SPAG16: variants seen among roughly 807,000 people sequenced by gnomAD.
SPAG16 encodes the protein sperm associated antigen 16.
Under a neutral mutation model 80.4 loss-of-function variants are expected in SPAG16, and 86 were observed. The ratio of observed to expected loss-of-function variants is 1.07; its 90% CI spans 0.90 to 1.28. SPAG16 has a LOEUF of 1.28. Among genes scored for constraint, SPAG16 ranks in the 50% most tolerant of loss-of-function variants. The pLI is 0.00. For missense variants in SPAG16, 870 were observed against 765.3 expected, an observed-to-expected ratio of 1.14 and a Z score of -1.61; for synonymous variants, 294 against 265.9, an observed-to-expected ratio of 1.11 and a Z score of -1.03.
intron 10 of SPAG16, among the ~76,000 whole-genome samples, chr2:213,861,935 G>A (rs1271624687): frequency 6.6e-6 from 1 of 152,166 alleles, no homozygotes; most frequent in Non-Finnish European, 1.5e-5. Context: ...AAGTGGTAAT[G>A]TAGGATAGAA....
At chr2:213,777,562 C>G (rs1349420366) in intron 10 of SPAG16, among the ~76,000 whole-genome samples, 1 of 152,090 alleles carries the variant, frequency 6.6e-6, no homozygotes, top group Non-Finnish European at 1.5e-5. Context: ...CCCGCCTCCA[C>G]GCCTGGCTAA....
intron 9 of SPAG16, among the ~76,000 whole-genome samples, chr2:213,447,827 A>G (rs10166400): frequency 0.44 from 66,533 of 152,156 alleles, 15,642 homozygotes; most frequent in African/African-American, 0.6. Context: ...CAGGAAAAGT[A>G]TAATGTTGGT....
At chr2:214,145,203 A>G (rs2055577440) in intron 14 of SPAG16, among the ~76,000 whole-genome samples, 1 of 151,916 alleles carries the variant, frequency 6.6e-6, no homozygotes, top group Non-Finnish European at 1.5e-5. Context: ...TACATTTGGA[A>G]CCTCTGTGCA....
intron 9 of SPAG16, among the ~76,000 whole-genome samples, chr2:213,444,409 A>T (rs2071171342): frequency 6.6e-6 from 1 of 152,180 alleles, no homozygotes; most frequent in Admixed American, 6.5e-5. Flanking sequence ...GAGGGAATTG[A>T]CCTATAAATA....
At chr2:213,899,653 A>G (rs1203219738) in intron 11 of SPAG16, among the ~76,000 whole-genome samples, 1 of 152,084 alleles carries the variant, frequency 6.6e-6, no homozygotes, top group Non-Finnish European at 1.5e-5. Flanking sequence ...ATGGAAAACA[A>G]CCACGTTTAT....
intron 10 of SPAG16, among the ~76,000 whole-genome samples, chr2:213,614,391 G>A (rs1168042659): frequency 2.0e-5 from 3 of 152,196 alleles, no homozygotes; most frequent in African/African-American, 7.2e-5. Flanking sequence ...GACAGTCACT[G>A]ATGGTAATCA....
intron 10 of SPAG16, among the ~76,000 whole-genome samples, chr2:213,708,159 C>T (rs1335786037): frequency 6.6e-6 from 1 of 152,028 alleles, no homozygotes; most frequent in African/African-American, 2.4e-5. Flanking sequence ...TAAAGATGAA[C>T]AAAATATTAC....
chr2:213,417,895 C>G (rs1380143337), intron 9 of SPAG16, among the ~76,000 whole-genome samples: 1 of 139,732 alleles, frequency 7.2e-6, no homozygotes, highest in African/African-American at 2.7e-5. Context: ...TTTTTTGAGA[C>G]AGTTTTGCTC....
intron 5 of SPAG16, among the ~76,000 whole-genome samples, chr2:213,320,386 A>G (rs757254628): frequency 3.9e-5 from 6 of 151,970 alleles, no homozygotes; most frequent in Non-Finnish European, 8.8e-5. Context: ...ATCACCTCAA[A>G]CATTTATGAT....
intron 10 of SPAG16, among the ~76,000 whole-genome samples, chr2:213,560,665 C>T (rs2059572256): frequency 1.3e-5 from 2 of 152,200 alleles, no homozygotes; most frequent in Non-Finnish European, 2.9e-5. Flanking sequence ...CTTAATATGT[C>T]ACCTCTAAGA....
intron 13 of SPAG16, among the ~76,000 whole-genome samples, chr2:214,071,996 A>T (rs1168388169): frequency 1.3e-5 from 2 of 152,174 alleles, no homozygotes; most frequent in Non-Finnish European, 2.9e-5. Flanking sequence ...ATAAATATGT[A>T]CAAGCTATTT....
chr2:213,490,301 T>C lies in SPAG16; in HGVS notation c.1070+211T>C, dbSNP rs73988511. 2.6e-3 allele frequency among the ~76,000 whole-genome samples: 396 copies of C among 152,276 alleles called. 5 individuals carry two copies. Among genetic ancestry groups the C allele is most frequent in the African/African-American group, 8.8e-3 (364 of 41,574 alleles). On this transcript the variant is annotated intron_variant, in intron 10 of 15. Coordinates refer to ENST00000331683, the MANE Select transcript of SPAG16 (RefSeq NM_024532.5). ...GTGGCAGTACAGACTAAGTGCACTA[T>C]TGTGTATTTTATTGTAGAGGTTGGA... is the stretch of plus-strand genomic sequence containing the variant.
In SPAG16 at chr2:213,534,447, C is replaced by T. The variant is rs114493713; in HGVS notation, c.1070+44357C>T. Among the ~76,000 whole-genome samples the T allele has an allele frequency of 5.0e-3, 763 of 152,114 alleles. 2 individuals carry two copies. Among genetic ancestry groups the T allele is most frequent in the Non-Finnish European group, 8.7e-3 (590 of 67,928 alleles). Reference sequence around the variant, plus strand: ...AAGACTTATACAAAAATGTTAATTACGTCTTTCTTCAAAATAACAAACTAT... The same window carrying T: ...AAGACTTATACAAAAATGTTAATTATGTCTTTCTTCAAAATAACAAACTAT... On this transcript the variant is annotated intron_variant, in intron 10 of 15. Coordinates refer to ENST00000331683, the MANE Select transcript of SPAG16 (RefSeq NM_024532.5).
rs187630333 is a variant in SPAG16, at chr2:213,510,345, A to T, written c.1070+20255A>T. Among the ~76,000 whole-genome samples, 97 of 152,274 alleles carry T rather than the reference A, an allele frequency of 6.4e-4. 1 individual carries two copies. Among genetic ancestry groups the T allele is most frequent in the African/African-American group, 2.2e-3 (93 of 41,560 alleles). On this transcript the variant is annotated intron_variant, in intron 10 of 15. Transcript: ENST00000331683. Reference sequence around the variant, plus strand: ...TTGGATAGATTGGGATACATTTAATAAATTTAGTGAGATAACTAATCACAT... The same window carrying T: ...TTGGATAGATTGGGATACATTTAATTAATTTAGTGAGATAACTAATCACAT...
At chr2:213,500,851 G>C (rs1306177499) in intron 10 of SPAG16, among the ~76,000 whole-genome samples, 2 of 152,218 alleles carry the variant, frequency 1.3e-5, no homozygotes, top group Non-Finnish European at 2.9e-5. Flanking sequence ...GGGCCTCCTA[G>C]TGTCCAAACA....
intron 12 of SPAG16, among the ~76,000 whole-genome samples, chr2:213,956,371 G>A (rs2044135716): frequency 2.7e-5 from 4 of 150,566 alleles, no homozygotes; most frequent in African/African-American, 9.8e-5. Context: ...TAGTTCCTTA[G>A]TTTGTTCTTA....
At chr2:213,949,953 G>T (rs2079661639) in intron 12 of SPAG16, among the ~76,000 whole-genome samples, 1 of 152,114 alleles carries the variant, frequency 6.6e-6, no homozygotes, top group Admixed American at 6.5e-5. Flanking sequence ...ACAAAATGTA[G>T]CCTTTGTTCA....
At chr2:213,326,778 A>G (rs1020562510) in intron 5 of SPAG16, among the ~76,000 whole-genome samples, 4 of 152,054 alleles carry the variant, frequency 2.6e-5, no homozygotes, top group Non-Finnish European at 5.9e-5. Flanking sequence ...CCAAATTATA[A>G]CAAGATAATC....
intron 15 of SPAG16, among the ~76,000 whole-genome samples, chr2:214,336,585 A>C (rs992957236): frequency 5.3e-5 from 8 of 152,096 alleles, no homozygotes; most frequent in Admixed American, 2.6e-4. Flanking sequence ...ATTACAACTT[A>C]AGGCATTTTT....
Sources: allele counts gnomAD v4.1 joint callset (sites outside exome capture counted in the v4.1 genomes callset), GRCh38; gene constraint gnomAD v4.1.1; transcripts MANE v1.5; gene names NCBI Gene and HGNC (gene_info 2026-07-23, HGNC 2026-07-21).